Variants in LRMDA observed in about 807,000 individuals in gnomAD.
The protein encoded by LRMDA is leucine rich melanocyte differentiation associated.
Under a neutral mutation model 29.8 loss-of-function variants are expected in LRMDA, and 18 were observed. The observed-to-expected ratio is 0.60, with a 90% CI of 0.42 to 0.90. The LOEUF (loss-of-function observed/expected upper bound fraction) is 0.90. Ranked by LOEUF, LRMDA falls within the 40% of genes least tolerant of loss-of-function variation. LRMDA has a pLI of 0.00. For synonymous variants in LRMDA, 125 were observed against 109.4 expected (o/e 1.14, Z -0.89); for missense variants, 273 against 273.9 (o/e 1.00, Z 0.02).
rs774890897 is a variant in LRMDA, at chr10:75,697,503, C to CT, written c.131+259023dup. ...TAGACCTTCCTGTTAGAGGAGCATTCTTTTTTTTTTTTTTCTTGAGGTCAG... is the reference window on the plus strand; with the variant it reads ...TAGACCTTCCTGTTAGAGGAGCATTCTTTTTTTTTTTTTTTCTTGAGGTCAG... On this transcript the variant is annotated intron_variant, in intron 2 of 6. Coordinates refer to ENST00000611255, the MANE Select transcript of LRMDA (RefSeq NM_001305581.2). Among the ~76,000 whole-genome samples the CT allele has an allele frequency of 9.2e-3, 1,245 of 134,786 alleles. 15 individuals are homozygous for CT. Among genetic ancestry groups the CT allele is most frequent in the African/African-American group, 0.025 (924 of 36,914 alleles). 88.4% of individuals were successfully genotyped at this position (134,786 alleles called of 152,430 possible).
chr10:76,170,222 T>C (rs920542893), intron 5 of LRMDA, among the ~76,000 whole-genome samples: 2 of 152,154 alleles, frequency 1.3e-5, no homozygotes, highest in Non-Finnish European at 2.9e-5. Context: ...TGTTTTAGAC[T>C]CATATAAACT....
At chr10:75,738,034 G>A (rs1489879277) in intron 2 of LRMDA, among the ~76,000 whole-genome samples, 1 of 152,150 alleles carries the variant, frequency 6.6e-6, no homozygotes, top group Non-Finnish European at 1.5e-5. Context: ...TTTACAAGCT[G>A]TCAAGAAACG....
intron 6 of LRMDA, among the ~76,000 whole-genome samples, chr10:76,485,723 G>A (rs1456250826): frequency 6.6e-6 from 1 of 151,740 alleles, no homozygotes; most frequent in Non-Finnish European, 1.5e-5. Flanking sequence ...ATTTGTTTGT[G>A]GGAGTCTTTA....
intron 5 of LRMDA, among the ~76,000 whole-genome samples, chr10:76,193,879 A>G (rs1288513844): frequency 6.6e-6 from 1 of 152,200 alleles, no homozygotes; most frequent in Non-Finnish European, 1.5e-5. Context: ...AGCTTTCAGG[A>G]GAAATGATGA....
intron 6 of LRMDA, among the ~76,000 whole-genome samples, chr10:76,442,727 A>G (rs1018300349): frequency 3.9e-5 from 6 of 152,186 alleles, no homozygotes; most frequent in Non-Finnish European, 8.8e-5. Context: ...AATCATATGT[A>G]TAGTCAAGTA....
chr10:76,237,785 C>CT (rs33976322), intron 5 of LRMDA, among the ~76,000 whole-genome samples: 5,669 of 84,022 alleles, frequency 0.067, 358 homozygotes, highest in African/African-American at 0.1. Context: ...GACAAGAGTG[C>CT]TTTTTTTTTT....
At chr10:75,475,298 G>A (rs1342272585) in intron 2 of LRMDA, among the ~76,000 whole-genome samples, 1 of 152,180 alleles carries the variant, frequency 6.6e-6, no homozygotes, top group Admixed American at 6.5e-5. Context: ...GGCTGTCCCT[G>A]GAGATTAGCA....
At chr10:75,778,195 A>G (rs1001993485) in intron 2 of LRMDA, among the ~76,000 whole-genome samples, 4 of 152,182 alleles carry the variant, frequency 2.6e-5, no homozygotes, top group East Asian at 1.9e-4. Context: ...CTCCTGCCTC[A>G]GCCCCCTGAG....
chr10:75,581,547 C>T (rs954918183), intron 2 of LRMDA, among the ~76,000 whole-genome samples: 1 of 149,794 alleles, frequency 6.7e-6, no homozygotes, highest in Non-Finnish European at 1.5e-5. Flanking sequence ...CCCATTTGAC[C>T]CAGTAATCCC....
chr10:75,793,481 T>C (rs532596824), intron 2 of LRMDA, among the ~76,000 whole-genome samples: 1 of 152,314 alleles, frequency 6.6e-6, no homozygotes, highest in South Asian at 2.1e-4. Flanking sequence ...CCTGGACTGA[T>C]TGATTCTCAG....
intron 2 of LRMDA, among the ~76,000 whole-genome samples, chr10:76,005,878 C>T (rs974157917): frequency 1.4e-5 from 2 of 146,292 alleles, no homozygotes; most frequent in African/African-American, 2.5e-5. Flanking sequence ...TGCAGTGAGC[C>T]GAGATGGTGC....
chr10:76,137,431 G>T (rs1053342452), intron 5 of LRMDA, among the ~76,000 whole-genome samples: 8 of 152,196 alleles, frequency 5.3e-5, no homozygotes, highest in African/African-American at 1.9e-4. Context: ...AACGATGCTT[G>T]TCCATTGTCT....
At chr10:75,872,648 C>T (rs7086694) in intron 2 of LRMDA, among the ~76,000 whole-genome samples, 1,872 of 152,194 alleles carry the variant, frequency 0.012, 44 homozygotes, top group African/African-American at 0.043. Flanking sequence ...CATGTTTTCT[C>T]GTTCCCATGA....
chr10:76,062,845 C>G (rs970901393), intron 5 of LRMDA, among the ~76,000 whole-genome samples: 1 of 152,228 alleles, frequency 6.6e-6, no homozygotes, highest in African/African-American at 2.4e-5. Context: ...AAGGTTCAAG[C>G]CCCCAAAGAA....
chr10:76,481,540 G>T (rs1050863136), intron 6 of LRMDA, among the ~76,000 whole-genome samples: 2 of 151,914 alleles, frequency 1.3e-5, no homozygotes, highest in East Asian at 1.9e-4. Flanking sequence ...GGATCACTGC[G>T]CATGTTTATC....
chr10:76,505,171 T>A (rs1052151689), intron 6 of LRMDA, among the ~76,000 whole-genome samples: 1 of 151,904 alleles, frequency 6.6e-6, no homozygotes, highest in African/African-American at 2.4e-5. Context: ...TGCTGAGAAG[T>A]CCACTGCTAG....
At chr10:75,479,110 T>C (rs1166519045) in intron 2 of LRMDA, among the ~76,000 whole-genome samples, 3 of 152,214 alleles carry the variant, frequency 2.0e-5, no homozygotes, top group Non-Finnish European at 4.4e-5. Flanking sequence ...TGTTCCTGCC[T>C]TCACAGAGCT....
chr10:75,468,340 A>T (rs1443872218), intron 2 of LRMDA, among the ~76,000 whole-genome samples: 1 of 152,030 alleles, frequency 6.6e-6, no homozygotes, highest in Non-Finnish European at 1.5e-5. Context: ...AAAAAGAAGG[A>T]CCATTAGGAC....
intron 3 of LRMDA, among the ~76,000 whole-genome samples, chr10:76,040,570 TTC>T (rs145651283): frequency 6.0e-4 from 87 of 145,008 alleles, no homozygotes; most frequent in Middle Eastern, 3.6e-3. Context: ...CTCACACTCT[TTC>T]TCTCTCTCTC....
Sources: gnomAD v4.1 joint callset for allele counts (sites outside exome capture counted in the v4.1 genomes callset) on GRCh38, gnomAD v4.1.1 for gene constraint, MANE v1.5 for transcripts, NCBI Gene and HGNC (gene_info 2026-07-23, HGNC 2026-07-21) for gene names.